The following MYEF2 variants were observed in gnomAD, a reference collection of about 807,000 sequenced individuals.
MYEF2 encodes myelin gene expression factor 2.
MYEF2 carries 37 observed loss-of-function variants against 75.2 expected under a neutral mutation model. That is an observed-to-expected ratio of 0.49 (90% confidence interval 0.38 to 0.65). MYEF2 has a LOEUF of 0.65. MYEF2 is among the 30% of genes least tolerant of loss of function. The pLI is 0.00. For synonymous variants in MYEF2, 195 were observed against 241.6 expected (o/e 0.81, Z 1.79); for missense variants, 634 against 771.4 (o/e 0.82, Z 2.11).
At position 48,140,836 on chromosome 15, in the gene MYEF2, G is replaced by T. The variant is rs534327604; in HGVS notation, c.*2072C>A. On this transcript the variant is annotated 3_prime_UTR_variant, in exon 17 of 17. Transcript: ENST00000324324. ...ATAATGGTGGACATAAACATCTTTTGTAAGAATATCAAACAGGAAAATTTC... is the reference window on the plus strand; with the variant it reads ...ATAATGGTGGACATAAACATCTTTTTTAAGAATATCAAACAGGAAAATTTC... 2 of 325,406 alleles carry T rather than the reference G, an allele frequency of 6.1e-6. No homozygotes were observed. The highest frequency in any genetic ancestry group is 2.1e-5 in the African/African-American group (1 of 46,820). 20.2% of individuals were successfully genotyped at this position (325,406 alleles called of 1,614,324 possible).
chr15:48,156,523 A>T (rs1358240221), intron 9 of MYEF2, among the ~76,000 whole-genome samples: 1 of 151,940 alleles, frequency 6.6e-6, no homozygotes, highest in African/African-American at 2.4e-5. Flanking sequence ...AAAAAAAGAC[A>T]GAAAATATAA....
chr15:48,178,025 G>A, intron 1 of MYEF2, 52 bp downstream of exon 1: 2 of 1,548,788 alleles, frequency 1.3e-6, no homozygotes, highest in Non-Finnish European at 8.7e-7. Context: ...TAGCCGCCCG[G>A]TAGACTCCCC....
At chr15:48,174,215 G>C (rs909919087) in intron 1 of MYEF2, among the ~76,000 whole-genome samples, 1 of 151,934 alleles carries the variant, frequency 6.6e-6, no homozygotes, top group African/African-American at 2.4e-5. Flanking sequence ...CTTGACAAAG[G>C]CACCAAAAAT....
chr15:48,155,750 G>T (rs1200891282), intron 9 of MYEF2, among the ~76,000 whole-genome samples: 5 of 147,692 alleles, frequency 3.4e-5, no homozygotes, highest in African/African-American at 1.2e-4. Flanking sequence ...ATAATACATG[G>T]CTCAATAAGA....
chr15:48,149,254 A>T lies in MYEF2; in HGVS notation c.1496T>A (p.Ile499Asn). 1 of 1,613,400 alleles carries T rather than the reference A, an allele frequency of 6.2e-7. No individual in the cohort carries two copies. The highest frequency in any genetic ancestry group is 8.5e-7 in the Non-Finnish European group (1 of 1,179,534). The change falls in exon 15 of 17, where the codon ATC becomes AAC. Residue 499 changes from isoleucine to asparagine, a missense_variant. Ile to Asn is a moderately radical substitution (Grantham distance 149, BLOSUM62 -3). Coordinates refer to ENST00000324324, the MANE Select transcript of MYEF2 (RefSeq NM_016132.5). This position sits in a 1 kb window ranked among gnomAD's most constrained non-coding sequence, Gnocchi z 4.0. The stretch of plus-strand genomic sequence containing the variant: ...CGATAAAAATCCTCGATCCATATCG[A>T]TGCTCCTTTCCAGTATAGCTCCTAT... ...PGIGAILERS[I>N]DMDRGFLSGP...
chr15:48,176,219 T>TAAA (rs1023560411), intron 1 of MYEF2, among the ~76,000 whole-genome samples: 1,049 of 63,094 alleles, frequency 0.017, 35 homozygotes, highest in Admixed American at 0.11. Context: ...GTTCACGAAG[T>TAAA]AAAAAAAAAA....
rs1008610386 is a variant in MYEF2, at chr15:48,135,135, T to C, written c.*7773A>G. The C allele has an allele frequency of 3.0e-5, 17 of 558,614 alleles. No individual in the cohort carries two copies. The East Asian group carries it at 3.7e-4, about 12-fold the overall frequency. 34.6% of individuals were successfully genotyped at this position (558,614 alleles called of 1,614,324 possible). ...GGTCTGTGAGTTAACCTCATCACAA[T>C]TGCTGATTGAGTTCTTCTCACTAGT... On this transcript the variant is annotated 3_prime_UTR_variant, in exon 17 of 17. Coordinates refer to ENST00000324324, the MANE Select transcript of MYEF2 (RefSeq NM_016132.5).
At chr15:48,165,267 T>A (rs2040093716) in intron 5 of MYEF2, among the ~76,000 whole-genome samples, 1 of 152,116 alleles carries the variant, frequency 6.6e-6, no homozygotes, top group Non-Finnish European at 1.5e-5. Context: ...ACTATTAAGA[T>A]TAACAATACA....
At chr15:48,154,894 T>C (rs1045329671) in intron 9 of MYEF2, among the ~76,000 whole-genome samples, 1 of 152,060 alleles carries the variant, frequency 6.6e-6, no homozygotes. Context: ...TGAGCAATGA[T>C]AGTATAATTC....
chr15:48,139,055 C>G lies in MYEF2; in HGVS notation c.*3853G>C. 6.2e-7 allele frequency: 1 copy of G among 1,613,030 alleles called. No homozygotes were observed. The highest frequency in any genetic ancestry group is 8.5e-7 in the Non-Finnish European group (1 of 1,179,264). ...CCTTCCTATTATTACATTACTTTTT[C>G]TAACCACACCAGATTGTAGAAAAAA... On this transcript the variant is annotated 3_prime_UTR_variant, in exon 17 of 17. Transcript: ENST00000324324.
chr15:48,159,292 A>G (rs1216900552), intron 6 of MYEF2, among the ~76,000 whole-genome samples: 1 of 152,104 alleles, frequency 6.6e-6, no homozygotes, highest in Non-Finnish European at 1.5e-5. Context: ...CATATTCACA[A>G]ATATCAAGAC....
chr15:48,178,181 G>C lies in MYEF2; in HGVS notation c.57C>G (p.His19Gln), dbSNP rs2040630767. The stretch of plus-strand genomic sequence containing the variant: ...CGCCCGGCGGCTCTGCGGGCTGCAG[G>C]TGCGGGCTGTCGCCACCAGTGGCCC... ...VPGATGGDSP[H>Q]LQPAEPPGEP... is the part of the protein sequence containing the mutation. The change falls in exon 1 of 17, where the codon CAC becomes CAG. Residue 19 changes from histidine (H) to glutamine (Q), a missense_variant. His to Gln is a conservative substitution (Grantham distance 24). Coordinates refer to ENST00000324324, the MANE Select transcript of MYEF2 (RefSeq NM_016132.5). 2 of 1,536,002 alleles carry C rather than the reference G, an allele frequency of 1.3e-6. No individual in the cohort carries two copies. Among genetic ancestry groups the C allele is most frequent in the Middle Eastern group, 2.2e-4 (1 of 4,570 alleles).
chr15:48,144,173 A>C (rs2039192634), intron 16 of MYEF2, among the ~76,000 whole-genome samples: 1 of 151,820 alleles, frequency 6.6e-6, no homozygotes, highest in Non-Finnish European at 1.5e-5. Context: ...GGAAGGGAGG[A>C]GAAAAAAAAG....
intron 5 of MYEF2, chr15:48,162,969 GA>G (rs559842484): frequency 1.8e-4 from 27 of 152,208 alleles, no homozygotes; most frequent in Admixed American, 1.6e-3. Context: ...TCAAGTAAAA[GA>G]AAGAGTTGCA....
chr15:48,151,556 G>C lies in MYEF2; in HGVS notation c.1223C>G (p.Ala408Gly). 1.9e-6 allele frequency: 3 copies of C among 1,611,874 alleles called. No homozygotes were observed. The highest frequency in any genetic ancestry group is 1.7e-6 in the Non-Finnish European group (2 of 1,178,898). ...VGRMGELYRG[A>G]MTSSMERDFG... ...ATCTCGCTCCATGCTACTAGTCATCGCACCACGGTACAGCTCTGAAAAAAT... is the reference window on the plus strand; with the variant it reads ...ATCTCGCTCCATGCTACTAGTCATCCCACCACGGTACAGCTCTGAAAAAAT... The change falls in exon 13 of 17, where the codon GCG (alanine) becomes GGG (glycine). Residue 408 changes from alanine to glycine, a missense_variant. Physicochemically the swap from Ala to Gly is moderately conservative, Grantham distance 60. Coordinates refer to ENST00000324324, the MANE Select transcript of MYEF2 (RefSeq NM_016132.5).
chr15:48,165,681 G>C (rs1597343442), intron 5 of MYEF2, among the ~76,000 whole-genome samples: 1 of 151,740 alleles, frequency 6.6e-6, no homozygotes, highest in African/African-American at 2.4e-5. Context: ...TGAATTTCTA[G>C]GTCCTCAAAT....
chr15:48,137,068 T>C lies in MYEF2; in HGVS notation c.*5840A>G. 8.1e-7 allele frequency: 1 copy of C among 1,236,242 alleles called. No homozygotes were observed. Among genetic ancestry groups the C allele is most frequent in the Non-Finnish European group, 1.1e-6 (1 of 901,280 alleles). The allele number at this position is 1,236,242 out of a possible 1,614,324, so 76.6% of individuals were successfully genotyped here. A position where few individuals can be genotyped will look rare whatever the true frequency, so the allele number is the denominator to read the frequency against. ...TGTGTGCTTTTTATGTAAAAAAGAC[T>C]GTGAAGACTCAGAAATGATAAAGAC... On this transcript the variant is annotated 3_prime_UTR_variant, in exon 17 of 17. Coordinates refer to ENST00000324324, the MANE Select transcript of MYEF2 (RefSeq NM_016132.5).
In MYEF2 at chr15:48,139,005, TAAAAAG is replaced by T. The variant is rs766056074; in HGVS notation, c.*3897_*3902del. 12 of 1,613,012 alleles carry T rather than the reference TAAAAAG, an allele frequency of 7.4e-6. No homozygotes were observed. Among genetic ancestry groups the T allele is most frequent in the Admixed American group, 1.7e-5 (1 of 59,990 alleles). On this transcript the variant is annotated 3_prime_UTR_variant, in exon 17 of 17. Coordinates refer to ENST00000324324, the MANE Select transcript of MYEF2 (RefSeq NM_016132.5). ...GTTTTCAACATGCCTGAAGCAGACT[TAAAAAG>T]AATTTTTTGGGTATTATCCCTTCCT...
At position 48,140,223 on chromosome 15, in the gene MYEF2, C is replaced by T. The variant is rs1225238417; in HGVS notation, c.*2685G>A. On this transcript the variant is annotated 3_prime_UTR_variant, in exon 17 of 17. Transcript: ENST00000324324. The stretch of plus-strand genomic sequence containing the variant: ...AATCATGTAATAGATCACAGAACAG[C>T]CCCCAAGATGATAAATATTAGTGTT... 4.6e-5 allele frequency: 7 copies of T among 151,824 alleles called. No individual in the cohort carries two copies. The highest frequency in any genetic ancestry group is 1.7e-4 in the African/African-American group (7 of 41,348). The allele number at this position is 151,824 out of a possible 1,614,324, so 9.4% of individuals were successfully genotyped here.
Sources: gnomAD v4.1 joint callset for allele counts (sites outside exome capture counted in the v4.1 genomes callset) on GRCh38, gnomAD v4.1.1 for gene constraint, Gnocchi (gnomAD v3.1) non-coding constraint, MANE v1.5 for transcripts, NCBI Gene and HGNC (gene_info 2026-07-23, HGNC 2026-07-21) for gene names.